Variants in LRRC4C observed in about 807,000 individuals in gnomAD.
LRRC4C encodes the protein leucine rich repeat containing 4C.
A neutral mutation model predicts 33.6 loss-of-function variants in LRRC4C; 5 were observed. That is an observed-to-expected ratio of 0.15 (90% CI 0.08 to 0.31). LRRC4C has a LOEUF of 0.31. LRRC4C is among the 10% of genes least tolerant of loss of function. The pLI is 1.00. For missense variants in LRRC4C, 560 were observed against 796.7 expected (o/e 0.70, Z 3.58); for synonymous variants, 329 against 302.0 (o/e 1.09, Z -0.93).
chr11:40,205,046 A>T (rs1247962802), intron 5 of LRRC4C, among the ~76,000 whole-genome samples: 1 of 152,172 alleles, frequency 6.6e-6, no homozygotes, highest in Non-Finnish European at 1.5e-5. Context: ...AATATGCCTA[A>T]TATTTTACAC....
chr11:41,001,438 A>G (rs749303786), intron 1 of LRRC4C, among the ~76,000 whole-genome samples: 1 of 152,184 alleles, frequency 6.6e-6, no homozygotes, highest in Admixed American at 6.6e-5. Context: ...TTCTTAAGAC[A>G]TGCAAATAAG....
intron 1 of LRRC4C, among the ~76,000 whole-genome samples, chr11:41,322,227 GA>G (rs1475994858): frequency 1.3e-5 from 2 of 151,642 alleles, no homozygotes; most frequent in African/African-American, 4.8e-5. Context: ...CACTTCTGAT[GA>G]AAAAAAGTTC....
At chr11:41,327,030 G>C (rs1369866037) in intron 1 of LRRC4C, among the ~76,000 whole-genome samples, 1 of 152,126 alleles carries the variant, frequency 6.6e-6, no homozygotes, top group Admixed American at 6.5e-5. Flanking sequence ...GCCGAGTCCA[G>C]TAACTATTTG....
chr11:41,044,150 C>T (rs745649718), intron 1 of LRRC4C, among the ~76,000 whole-genome samples: 2 of 152,012 alleles, frequency 1.3e-5, no homozygotes, highest in Non-Finnish European at 2.9e-5. Flanking sequence ...CTGAGCTGAA[C>T]ATAATGAATA....
intron 2 of LRRC4C, among the ~76,000 whole-genome samples, chr11:40,729,098 T>A (rs1947433262): frequency 1.3e-5 from 2 of 152,194 alleles, no homozygotes; most frequent in South Asian, 4.1e-4. Context: ...TATACCTGTG[T>A]AATAAAACTG....
At chr11:40,840,387 A>G (rs1400732697) in intron 2 of LRRC4C, among the ~76,000 whole-genome samples, 2 of 152,204 alleles carry the variant, frequency 1.3e-5, no homozygotes, top group Non-Finnish European at 2.9e-5. Flanking sequence ...CTATTTCAAC[A>G]TCCCCTCCTT....
At chr11:40,447,043 A>G (rs1951667772) in intron 3 of LRRC4C, 1 of 158,808 alleles carries the variant, frequency 6.3e-6, no homozygotes, top group African/African-American at 2.4e-5. Context: ...TGTCCCAAGG[A>G]TACCAGCAGG....
chr11:41,185,528 C>CAA (rs1945655684), intron 1 of LRRC4C, among the ~76,000 whole-genome samples: 2 of 152,094 alleles, frequency 1.3e-5, no homozygotes, highest in South Asian at 4.2e-4. Context: ...TCAGGTCTGA[C>CAA]AAAAAATATT....
chr11:40,603,954 T>G (rs1411024696), intron 3 of LRRC4C, among the ~76,000 whole-genome samples: 1 of 152,166 alleles, frequency 6.6e-6, no homozygotes, highest in Non-Finnish European at 1.5e-5. Flanking sequence ...AAAAGTTGTA[T>G]GTAATTCTTG....
At chr11:40,475,034 G>A (rs1953138427) in intron 3 of LRRC4C, among the ~76,000 whole-genome samples, 1 of 152,170 alleles carries the variant, frequency 6.6e-6, no homozygotes, top group South Asian at 2.1e-4. Context: ...CATTGTGGAA[G>A]ACAGTATGGC....
At chr11:40,546,636 G>T (rs535718811) in intron 3 of LRRC4C, among the ~76,000 whole-genome samples, 1 of 152,168 alleles carries the variant, frequency 6.6e-6, no homozygotes, top group South Asian at 2.1e-4. Context: ...ATAAATAGTT[G>T]CAATGCATAC....
chr11:40,699,742 A>T (rs2136474783), intron 2 of LRRC4C, among the ~76,000 whole-genome samples: 1 of 152,314 alleles, frequency 6.6e-6, no homozygotes, highest in South Asian at 2.1e-4. Context: ...AGGAATATTG[A>T]TGGAGTTAAT....
At chr11:40,426,660 T>C (rs1012546870) in intron 3 of LRRC4C, among the ~76,000 whole-genome samples, 13 of 152,222 alleles carry the variant, frequency 8.5e-5, no homozygotes, top group African/African-American at 2.9e-4. Context: ...CTCTGTACTC[T>C]AGAAGGAAAG....
intron 3 of LRRC4C, among the ~76,000 whole-genome samples, chr11:40,353,005 T>C (rs2096014976): frequency 6.6e-6 from 1 of 152,210 alleles, no homozygotes; most frequent in Non-Finnish European, 1.5e-5. Context: ...CTTGGGATTG[T>C]TTCTTTATCC....
At chr11:41,404,751 T>A (rs1466504935) in intron 1 of LRRC4C, among the ~76,000 whole-genome samples, 1 of 151,952 alleles carries the variant, frequency 6.6e-6, no homozygotes, top group African/African-American at 2.4e-5. Flanking sequence ...TCACATTAAG[T>A]TAGTCATAGG....
intron 1 of LRRC4C, among the ~76,000 whole-genome samples, chr11:41,280,167 T>C (rs987963001): frequency 1.3e-5 from 2 of 152,166 alleles, no homozygotes; most frequent in African/African-American, 4.8e-5. Context: ...ATAATGCTTA[T>C]TTGTTGAAGG....
At chr11:40,985,965 A>T (rs942510986) in intron 1 of LRRC4C, among the ~76,000 whole-genome samples, 3 of 152,014 alleles carry the variant, frequency 2.0e-5, no homozygotes, top group East Asian at 1.9e-4. Context: ...TACATATATA[A>T]TTTTTATTAT....
intron 1 of LRRC4C, among the ~76,000 whole-genome samples, chr11:41,425,088 C>T (rs559301486): frequency 6.6e-5 from 10 of 152,102 alleles, no homozygotes; most frequent in South Asian, 2.1e-4. Context: ...TTATGTTTCA[C>T]GACCATCAAA....
chr11:40,434,579 C>T (rs1029218863), intron 3 of LRRC4C, among the ~76,000 whole-genome samples: 1 of 152,176 alleles, frequency 6.6e-6, no homozygotes, highest in Admixed American at 6.5e-5. Context: ...GCAATGGTAG[C>T]CCATGATTTT....
Sources: allele counts gnomAD v4.1 joint callset (sites outside exome capture counted in the v4.1 genomes callset), GRCh38; gene constraint gnomAD v4.1.1; transcripts MANE v1.5; gene names NCBI Gene and HGNC (gene_info 2026-07-23, HGNC 2026-07-21).